PCDH15: variants seen among roughly 807,000 people sequenced by gnomAD.
The protein encoded by PCDH15 is protocadherin-15.
In PCDH15, 129 loss-of-function variants were observed where a neutral mutation model predicts 178.5. That is an observed-to-expected ratio of 0.72 (90% confidence interval 0.63 to 0.84). The LOEUF (loss-of-function observed/expected upper bound fraction) is 0.84. Ranked by LOEUF, PCDH15 falls within the 40% of genes least tolerant of loss-of-function variation. PCDH15 has a pLI of 0.00. For missense variants in PCDH15, 2,230 were observed against 2,099.9 expected, an observed-to-expected ratio of 1.06 and a Z score of -1.21; for synonymous variants, 800 against 732.0, an observed-to-expected ratio of 1.09 and a Z score of -1.50.
chr10:54,679,120 G>A (rs2094849485), intron 1 of PCDH15, among the ~76,000 whole-genome samples: 1 of 149,704 alleles, frequency 6.7e-6, no homozygotes, highest in Non-Finnish European at 1.5e-5. Context: ...AACCCAGGAG[G>A]CGGAGCTTGC....
At chr10:54,594,572 T>C (rs575740626) in intron 2 of PCDH15, among the ~76,000 whole-genome samples, 5 of 152,112 alleles carry the variant, frequency 3.3e-5, no homozygotes, top group African/African-American at 4.8e-5. Flanking sequence ...TGTATACATA[T>C]AAGACTGCCC....
intron 8 of PCDH15, among the ~76,000 whole-genome samples, chr10:54,289,407 A>G (rs1394230538): frequency 6.6e-6 from 1 of 152,250 alleles, no homozygotes; most frequent in Non-Finnish European, 1.5e-5. Context: ...AACATCAAAG[A>G]CCAAAGGTAG....
intron 3 of PCDH15, among the ~76,000 whole-genome samples, chr10:54,424,538 T>A (rs1955995191): frequency 6.7e-6 from 1 of 150,262 alleles, no homozygotes; most frequent in Non-Finnish European, 1.5e-5. Flanking sequence ...TAAAACATGC[T>A]GCTATAAAGA....
intron 17 of PCDH15, among the ~76,000 whole-genome samples, chr10:54,071,483 T>A (rs1462414046): frequency 6.6e-6 from 1 of 152,144 alleles, no homozygotes; most frequent in Non-Finnish European, 1.5e-5. Flanking sequence ...TGCATTTTTT[T>A]ATCATTTAAT....
intron 2 of PCDH15, among the ~76,000 whole-genome samples, chr10:54,660,880 T>C (rs2094479101): frequency 6.6e-6 from 1 of 151,894 alleles, no homozygotes; most frequent in African/African-American, 2.4e-5. Context: ...TCTCAATACC[T>C]GCAGAAAAAA....
chr10:55,045,546 A>G (rs969458832), intron 2 of PCDH15, among the ~76,000 whole-genome samples: 2 of 152,090 alleles, frequency 1.3e-5, no homozygotes, highest in African/African-American at 4.8e-5. Flanking sequence ...CAAATGTTTC[A>G]TATGTTATTC....
chr10:54,255,853 T>C (rs1414665490), intron 8 of PCDH15, among the ~76,000 whole-genome samples: 5 of 152,154 alleles, frequency 3.3e-5, no homozygotes, highest in Non-Finnish European at 7.4e-5. Flanking sequence ...CAGGCATCTA[T>C]GAAAATGCGA....
Position 54,875,076 on chromosome 10 carries a change from G to C in PCDH15, c.-29+22374C>G, listed in dbSNP as rs375182555. 8.5e-5 allele frequency among the ~76,000 whole-genome samples: 13 copies of C among 152,258 alleles called. 1 individual carries two copies. The highest frequency in any genetic ancestry group is 2.6e-4 in the African/African-American group (11 of 41,540). ...CAAATTGAAGGTTTGTGGCAACCCC[G>C]TGTGAGCAACTCTATCAGTGCTATT... On this transcript the variant is annotated intron_variant, in intron 3 of 5. Coordinates refer to the PCDH15 transcript ENST00000458638.
intron 1 of PCDH15, among the ~76,000 whole-genome samples, chr10:54,720,697 T>C (rs1423937620): frequency 1.3e-5 from 2 of 150,848 alleles, no homozygotes; most frequent in Non-Finnish European, 3.0e-5. Context: ...TAACTATCTA[T>C]CCTAAATATA....
intron 2 of PCDH15, among the ~76,000 whole-genome samples, chr10:54,613,406 C>T (rs1214421920): frequency 6.6e-6 from 1 of 151,782 alleles, no homozygotes; most frequent in Admixed American, 6.6e-5. Context: ...ATATGATTCA[C>T]TTTGTGGCAT....
intron 2 of PCDH15, chr10:54,575,136 T>C (rs2090319491): frequency 8.0e-6 from 1 of 124,772 alleles, no homozygotes; most frequent in African/African-American, 3.1e-5. Context: ...AATATCACAC[T>C]CTGGGGACTG....
chr10:54,049,251 G>A (rs924165822), intron 18 of PCDH15, among the ~76,000 whole-genome samples: 3 of 152,022 alleles, frequency 2.0e-5, no homozygotes, highest in Admixed American at 2.0e-4. Flanking sequence ...GAAGTTACCA[G>A]TTTCAGTAGC....
At chr10:55,614,406 T>C (rs760767892) in intron 2 of PCDH15, among the ~76,000 whole-genome samples, 1 of 152,168 alleles carries the variant, frequency 6.6e-6, no homozygotes, top group Non-Finnish European at 1.5e-5. Flanking sequence ...AAAAGTTCTA[T>C]CTTATTGGAA....
intron 2 of PCDH15, among the ~76,000 whole-genome samples, chr10:55,378,361 G>A (rs890975228): frequency 1.3e-5 from 2 of 152,040 alleles, no homozygotes; most frequent in African/African-American, 2.4e-5. Context: ...ATCATAATAT[G>A]TTGAAAAAAT....
chr10:54,537,953 A>G (rs1057116715), intron 2 of PCDH15, among the ~76,000 whole-genome samples: 2 of 151,962 alleles, frequency 1.3e-5, no homozygotes, highest in African/African-American at 4.8e-5. Flanking sequence ...CCAATTTTTC[A>G]ATGTGGTTAT....
At chr10:54,011,113 C>CCA (rs34758994) in intron 20 of PCDH15, among the ~76,000 whole-genome samples, 26,540 of 152,060 alleles carry the variant, frequency 0.17, 2,818 homozygotes, top group Non-Finnish European at 0.24. Context: ...TGCAGCCACC[C>CCA]CACTCCCTGG....
chr10:54,077,009 C>T (rs116111211), intron 17 of PCDH15, among the ~76,000 whole-genome samples: 2,431 of 152,108 alleles, frequency 0.016, 60 homozygotes, highest in African/African-American at 0.056. Context: ...GCTATTAAGA[C>T]GTGAGAATAT....
chr10:54,549,352 T>A (rs2086273126), intron 2 of PCDH15, among the ~76,000 whole-genome samples: 1 of 152,014 alleles, frequency 6.6e-6, no homozygotes, highest in Admixed American at 6.6e-5. Context: ...TTCAAAAATG[T>A]TGAAAATTTA....
At chr10:54,004,951 TAA>T (rs55808499) in intron 20 of PCDH15, among the ~76,000 whole-genome samples, 49,922 of 146,040 alleles carry the variant, frequency 0.34, 10,116 homozygotes, top group Middle Eastern at 0.57. Flanking sequence ...GGTACTGGCA[TAA>T]AAAAAAAAAA....
Sources: allele counts gnomAD v4.1 joint callset (sites outside exome capture counted in the v4.1 genomes callset), GRCh38; gene constraint gnomAD v4.1.1; transcripts MANE v1.5; gene names NCBI Gene and HGNC (gene_info 2026-07-23, HGNC 2026-07-21).